The following LIN52 variants were observed in gnomAD, a reference collection of about 807,000 sequenced individuals.
LIN52 encodes the protein lin-52 DREAM MuvB core complex component.
LIN52 carries 4 observed loss-of-function variants against 18.5 expected under a neutral mutation model. The observed-to-expected ratio is 0.22, with a 90% CI of 0.11 to 0.49. The LOEUF (loss-of-function observed/expected upper bound fraction) is 0.49, where lower values mean the gene tolerates loss of function less well. Among genes scored for constraint, LIN52 ranks in the 20% least tolerant of loss-of-function variants. The probability of loss-of-function intolerance (pLI) is 0.97; values close to 1 mark genes in which losing one functional copy is unlikely to be tolerated. For synonymous variants in LIN52, 34 were observed against 45.5 expected (o/e 0.75, Z 1.02); for missense variants, 102 against 139.5 (o/e 0.73, Z 1.35).
In LIN52 at chr14:74,199,720, C is replaced by T. The variant is rs2078935284; in HGVS notation, c.*743C>T. On this transcript the variant is annotated 3_prime_UTR_variant, in exon 6 of 6. Coordinates refer to ENST00000555028, the MANE Select transcript of LIN52 (RefSeq NM_001024674.3). ...ACCAATGTGAAGGTGACAGAAAGGA[C>T]TTTTGAGTTCTAATTAATCTGTTAC... 6.6e-6 allele frequency: 1 copy of T among 152,194 alleles called. No homozygotes were observed. Among genetic ancestry groups the T allele is most frequent in the Non-Finnish European group, 1.5e-5 (1 of 68,048 alleles). 9.4% of individuals were successfully genotyped at this position (152,194 alleles called of 1,614,324 possible).
intron 5 of LIN52, among the ~76,000 whole-genome samples, chr14:74,110,237 C>T (rs1391812721): frequency 2.0e-5 from 3 of 152,158 alleles, no homozygotes; most frequent in Admixed American, 6.5e-5. Context: ...TAAATTTTAT[C>T]ACTGTTGTTT....
intron 5 of LIN52, among the ~76,000 whole-genome samples, chr14:74,152,505 A>C (rs1372699288): frequency 3.3e-5 from 5 of 152,144 alleles, no homozygotes; most frequent in Non-Finnish European, 5.9e-5. Context: ...CAGCCCTGTA[A>C]GTTGGAACAT....
intron 5 of LIN52, among the ~76,000 whole-genome samples, chr14:74,152,918 C>T (rs576497262): frequency 7.1e-4 from 104 of 147,486 alleles, no homozygotes; most frequent in African/African-American, 2.5e-3. Flanking sequence ...TGAGATCGCA[C>T]CACTGCCCTC....
rs1255896949 is a variant in LIN52, at chr14:74,200,958, T to C, written c.*1981T>C. ...GATACCTCCCCCAAACCAACTCAAG[T>C]CTGTAACTGGAAGCCAGGTGGTTGG... On this transcript the variant is annotated 3_prime_UTR_variant, in exon 6 of 6. Transcript: ENST00000555028. 6.6e-6 allele frequency: 1 copy of C among 152,210 alleles called. No homozygotes were observed. The highest frequency in any genetic ancestry group is 1.5e-5 in the Non-Finnish European group (1 of 68,036). The allele number at this position is 152,210 out of a possible 1,614,324, so 9.4% of individuals were successfully genotyped here.
intron 5 of LIN52, among the ~76,000 whole-genome samples, chr14:74,131,472 C>T (rs1194501255): frequency 2.6e-5 from 4 of 151,978 alleles, no homozygotes; most frequent in Admixed American, 1.3e-4. Context: ...GCGCCTGCCA[C>T]CACGACTGGC....
intron 5 of LIN52, among the ~76,000 whole-genome samples, chr14:74,102,135 T>G (rs2060862204): frequency 6.6e-6 from 1 of 152,092 alleles, no homozygotes; most frequent in Admixed American, 6.6e-5. Context: ...CCCAGCTAGT[T>G]GGGAGGCTGA....
At chr14:74,094,238 T>C (rs2060792708) in intron 2 of LIN52, among the ~76,000 whole-genome samples, 1 of 151,700 alleles carries the variant, frequency 6.6e-6, no homozygotes, top group Non-Finnish European at 1.5e-5. Context: ...TTTGGAAACT[T>C]AAGTTATATC....
intron 4 of LIN52, among the ~76,000 whole-genome samples, chr14:74,099,604 G>GTGTGTGTT (rs1263338490): frequency 2.0e-5 from 3 of 151,974 alleles, no homozygotes; most frequent in Admixed American, 6.6e-5. Context: ...GTGTGTGTGT[G>GTGTGTGTT]TGTGTATGTG....
intron 5 of LIN52, among the ~76,000 whole-genome samples, chr14:74,111,599 G>A (rs897336324): frequency 6.9e-6 from 1 of 144,234 alleles, no homozygotes; most frequent in Non-Finnish European, 1.5e-5. Flanking sequence ...ACCATGCCCT[G>A]CCCCTGGTAT....
At chr14:74,162,540 C>G (rs973059472) in intron 5 of LIN52, among the ~76,000 whole-genome samples, 6 of 148,768 alleles carry the variant, frequency 4.0e-5, no homozygotes, top group Non-Finnish European at 8.9e-5. Context: ...TTCTTACTTT[C>G]CTTATTTATT....
intron 1 of LIN52, among the ~76,000 whole-genome samples, chr14:74,089,993 A>T (rs1301740197): frequency 6.7e-6 from 1 of 149,076 alleles, no homozygotes; most frequent in Non-Finnish European, 1.5e-5. Flanking sequence ...CCCAAAGCCC[A>T]AGTGGGCATG....
chr14:74,152,221 C>A (rs961171865), intron 5 of LIN52, among the ~76,000 whole-genome samples: 2 of 150,988 alleles, frequency 1.3e-5, no homozygotes, highest in African/African-American at 4.9e-5. Context: ...CAAGATTGCA[C>A]CATTGCACTC....
chr14:74,105,171 G>A (rs17182783), intron 5 of LIN52, among the ~76,000 whole-genome samples: 16,975 of 152,044 alleles, frequency 0.11, 1,246 homozygotes, highest in Admixed American at 0.19. Flanking sequence ...AACTTGGTGT[G>A]GCATTTGTTA....
At chr14:74,092,388 C>T (rs571329052) in intron 2 of LIN52, among the ~76,000 whole-genome samples, 150 of 151,308 alleles carry the variant, frequency 9.9e-4, no homozygotes, top group South Asian at 7.7e-3. Flanking sequence ...TCACTGCAAC[C>T]TCTGCCTCCC....
intron 5 of LIN52, among the ~76,000 whole-genome samples, chr14:74,190,661 G>A (rs1026699629): frequency 5.3e-5 from 8 of 152,022 alleles, no homozygotes; most frequent in African/African-American, 1.9e-4. Flanking sequence ...CAAAGTGCTG[G>A]GATTATAGAT....
chr14:74,102,059 G>A (rs1023727572), intron 5 of LIN52, among the ~76,000 whole-genome samples: 5 of 152,038 alleles, frequency 3.3e-5, no homozygotes, highest in African/African-American at 1.2e-4. Context: ...ATGAACCACC[G>A]CACCCAACCA....
intron 5 of LIN52, among the ~76,000 whole-genome samples, chr14:74,146,009 T>C (rs149672902): frequency 0.013 from 2,024 of 152,318 alleles, 44 homozygotes; most frequent in African/African-American, 0.045. Context: ...AACTCCCTCA[T>C]AGAGCTCTGT....
At chr14:74,174,051 C>A (rs1700068495) in intron 5 of LIN52, among the ~76,000 whole-genome samples, 1 of 152,174 alleles carries the variant, frequency 6.6e-6, no homozygotes, top group Admixed American at 6.5e-5. Context: ...TGACTTGAAC[C>A]TGAAGGTCTT....
intron 5 of LIN52, among the ~76,000 whole-genome samples, chr14:74,196,181 T>A (rs2078911456): frequency 6.6e-6 from 1 of 152,166 alleles, no homozygotes; most frequent in Non-Finnish European, 1.5e-5. Context: ...GGGGGAGGAA[T>A]GATTGAGTAG....
Sources: allele counts gnomAD v4.1 joint callset (sites outside exome capture counted in the v4.1 genomes callset), GRCh38; gene constraint gnomAD v4.1.1; transcripts MANE v1.5; gene names NCBI Gene and HGNC (gene_info 2026-07-23, HGNC 2026-07-21).